The following ARSG variants were observed in gnomAD, a reference collection of about 807,000 sequenced individuals.
ARSG encodes ASG.
ARSG carries 37 observed loss-of-function variants against 50.5 expected under a neutral mutation model. The ratio of observed to expected loss-of-function variants is 0.73; its 90% CI spans 0.56 to 0.96. The LOEUF (loss-of-function observed/expected upper bound fraction) is 0.96, where lower values mean the gene tolerates loss of function less well. Ranked by LOEUF, ARSG falls within the 50% of genes least tolerant of loss-of-function variation. ARSG has a pLI of 0.00. For synonymous variants in ARSG, 225 were observed against 254.6 expected (o/e 0.88, Z 1.11); for missense variants, 629 against 675.3 (o/e 0.93, Z 0.76).
intron 11 of ARSG, among the ~76,000 whole-genome samples, chr17:68,419,379 C>G (rs1465086015): frequency 2.6e-5 from 4 of 151,994 alleles, no homozygotes; most frequent in Non-Finnish European, 5.9e-5. Flanking sequence ...GCCAACAGAC[C>G]AGCCTGGCCA....
intron 1 of ARSG, among the ~76,000 whole-genome samples, chr17:68,269,971 C>T (rs1389302469): frequency 1.3e-5 from 2 of 152,108 alleles, no homozygotes; most frequent in African/African-American, 2.4e-5. Flanking sequence ...CTGCGCCCGG[C>T]CCGTTTTAGG....
intron 9 of ARSG, among the ~76,000 whole-genome samples, chr17:68,386,038 A>C (rs1318942574): frequency 6.6e-6 from 1 of 152,196 alleles, no homozygotes; most frequent in African/African-American, 2.4e-5. Flanking sequence ...CAGACCCATC[A>C]CATCAGGTAA....
the ARSG span, chr17:68,430,197 T>G: frequency 1.3e-6 from 2 of 1,579,062 alleles, no homozygotes; most frequent in African/African-American, 1.4e-5. Flanking sequence ...GGGACTGGGC[T>G]GCAGGCCCCA....
At chr17:68,362,939 A>C (rs1399746689) in intron 6 of ARSG, among the ~76,000 whole-genome samples, 3 of 152,108 alleles carry the variant, frequency 2.0e-5, no homozygotes, top group Non-Finnish European at 2.9e-5. Flanking sequence ...TAAATATTTA[A>C]TGAATGAATG....
chr17:68,389,964 C>A (rs867189406), intron 9 of ARSG, among the ~76,000 whole-genome samples: 2 of 149,564 alleles, frequency 1.3e-5, no homozygotes, highest in Non-Finnish European at 1.5e-5. Context: ...TGGGGTCCAG[C>A]AGGCCAGGCC....
downstream of ARSG, chr17:68,426,242 T>TTG (rs1555798450): frequency 2.6e-4 from 179 of 682,762 alleles, 2 homozygotes; most frequent in Non-Finnish European, 3.3e-4. Flanking sequence ...ACCTGGCGGG[T>TTG]GGGGAGCGGG....
intron 1 of ARSG, among the ~76,000 whole-genome samples, chr17:68,261,282 G>A (rs189968881): frequency 5.9e-5 from 9 of 152,304 alleles, no homozygotes; most frequent in Non-Finnish European, 5.9e-5. Flanking sequence ...GCCAGGCCCT[G>A]CTCAAAGCCT....
downstream of ARSG, among the ~76,000 whole-genome samples, chr17:68,423,492 T>C (rs2885404): frequency 0.81 from 123,182 of 152,184 alleles, 50,412 homozygotes; most frequent in African/African-American, 0.94. The surrounding 1 kb of genome is among the most constrained non-coding windows in gnomAD (Gnocchi z 4.4). Context: ...CAGGGGCTGC[T>C]TGACACTCAC....
At chr17:68,375,162 C>T (rs1224795773) in intron 8 of ARSG, among the ~76,000 whole-genome samples, 1 of 152,188 alleles carries the variant, frequency 6.6e-6, no homozygotes, top group Non-Finnish European at 1.5e-5. Context: ...GGCTGGGTTG[C>T]TGATGGGAGT....
At chr17:68,280,210 A>G (rs1376331803) in intron 1 of ARSG, among the ~76,000 whole-genome samples, 1 of 150,476 alleles carries the variant, frequency 6.6e-6, no homozygotes, top group South Asian at 2.1e-4. Flanking sequence ...AGAATTATTT[A>G]TATATGACCC....
At chr17:68,411,591 G>A (rs2081996602) in intron 11 of ARSG, among the ~76,000 whole-genome samples, 1 of 150,274 alleles carries the variant, frequency 6.7e-6, no homozygotes, top group Admixed American at 6.6e-5. Flanking sequence ...TGAAAAAAAT[G>A]TATATTCTGT....
chr17:68,386,502 A>G (rs1180809177), intron 9 of ARSG, among the ~76,000 whole-genome samples: 1 of 152,148 alleles, frequency 6.6e-6, no homozygotes, highest in African/African-American at 2.4e-5. Flanking sequence ...GTGGGTGGGC[A>G]TCACCCCTGG....
intron 11 of ARSG, among the ~76,000 whole-genome samples, chr17:68,412,309 A>G (rs1410939633): frequency 6.6e-6 from 1 of 152,088 alleles, no homozygotes; most frequent in African/African-American, 2.4e-5. Flanking sequence ...CTTTTAGGGC[A>G]GGCCTGGTGG....
intron 5 of ARSG, among the ~76,000 whole-genome samples, chr17:68,355,445 G>A (rs1453388223): frequency 3.9e-5 from 6 of 152,110 alleles, no homozygotes; most frequent in African/African-American, 1.2e-4. Flanking sequence ...TGCAACCTCC[G>A]CCTCCTAGGT....
the ARSG span, among the ~76,000 whole-genome samples, chr17:68,449,871 C>T: frequency 9.2e-5 from 14 of 152,122 alleles, no homozygotes; most frequent in East Asian, 1.2e-3. Context: ...ATTAGCTGGG[C>T]GTGGTGGTGC....
chr17:68,339,232 AG>A (rs1429542213), intron 2 of ARSG, among the ~76,000 whole-genome samples: 1 of 152,186 alleles, frequency 6.6e-6, no homozygotes, highest in East Asian at 1.9e-4. Flanking sequence ...TGGGAGGTGG[AG>A]GTTGCAGTGA....
chr17:68,311,833 C>T (rs1177125840), intron 2 of ARSG, among the ~76,000 whole-genome samples: 5 of 136,498 alleles, frequency 3.7e-5, no homozygotes, highest in African/African-American at 5.4e-5. Context: ...CGGAGTCTTG[C>T]TCTGTCGCCC....
At chr17:68,272,371 T>A (rs1386437740) in intron 1 of ARSG, among the ~76,000 whole-genome samples, 1 of 152,192 alleles carries the variant, frequency 6.6e-6, no homozygotes, top group Non-Finnish European at 1.5e-5. Flanking sequence ...AATTACTAGA[T>A]TATTCTGGAA....
At chr17:68,447,034 A>G in the ARSG span, among the ~76,000 whole-genome samples, 1 of 152,200 alleles carries the variant, frequency 6.6e-6, no homozygotes, top group Non-Finnish European at 1.5e-5. Flanking sequence ...CCGCAGAACC[A>G]TGGTCTTGCC....
Sources: allele counts gnomAD v4.1 joint callset (sites outside exome capture counted in the v4.1 genomes callset), GRCh38; gene constraint gnomAD v4.1.1; non-coding constraint Gnocchi (gnomAD v3.1); transcripts MANE v1.5; gene names NCBI Gene and HGNC (gene_info 2026-07-23, HGNC 2026-07-21).